The following ST6GAL1 variants were observed in gnomAD, a reference collection of about 807,000 sequenced individuals.
ST6GAL1 encodes the protein beta-galactoside alpha-2,6-sialyltransferase 1.
ST6GAL1 carries 20 observed loss-of-function variants against 38.0 expected under a neutral mutation model. That is an observed-to-expected ratio of 0.53 (90% CI 0.37 to 0.77). The LOEUF is 0.77. Among genes scored for constraint, ST6GAL1 ranks in the 30% least tolerant of loss-of-function variants. The pLI is 0.00. For missense variants in ST6GAL1, 432 were observed against 496.4 expected, an observed-to-expected ratio of 0.87 and a Z score of 1.23; for synonymous variants, 196 against 188.2, an observed-to-expected ratio of 1.04 and a Z score of -0.34.
At chr3:187,043,943 T>A (rs1329731051) in intron 4 of ST6GAL1, 1 of 152,348 alleles carries the variant, frequency 6.6e-6, no homozygotes, top group Non-Finnish European at 1.5e-5. Flanking sequence ...CTGGGGGCTA[T>A]GGACCAACTT....
At chr3:187,003,502 CT>C (rs35456268) in intron 2 of ST6GAL1, among the ~76,000 whole-genome samples, 37,199 of 152,150 alleles carry the variant, frequency 0.24, 4,602 homozygotes, top group South Asian at 0.34. Context: ...AAAATTGAAT[CT>C]TTCAGTTGAT....
chr3:186,962,212 G>A lies in ST6GAL1; in HGVS notation c.-324-1573G>A, dbSNP rs375300297. On this transcript the variant is annotated intron_variant, in intron 1 of 7. Transcript: ENST00000169298. ...TCAGTTCTGTCTATCAGCATCTCCC[G>A]TCTCATGGGATGACTCTTGTTTCTC... Among the ~76,000 whole-genome samples, 16 of 152,064 alleles carry A rather than the reference G, an allele frequency of 1.1e-4. No individual in the cohort carries two copies. The East Asian group carries it at 1.2e-3, about 11-fold the overall frequency.
At chr3:187,052,334 C>A (rs1487371716) in intron 5 of ST6GAL1, among the ~76,000 whole-genome samples, 1 of 152,180 alleles carries the variant, frequency 6.6e-6, no homozygotes, top group African/African-American at 2.4e-5. Flanking sequence ...TTCTAGGGTA[C>A]ATGTGCACAA....
chr3:186,974,160 G>T (rs2108533501), intron 2 of ST6GAL1, among the ~76,000 whole-genome samples: 1 of 152,286 alleles, frequency 6.6e-6, no homozygotes, highest in Non-Finnish European at 1.5e-5. Flanking sequence ...GGAAGATTCA[G>T]TAGGATCAGT....
At chr3:186,960,970 T>TTA (rs1491338714) in intron 1 of ST6GAL1, among the ~76,000 whole-genome samples, 1 of 99,362 alleles carries the variant, frequency 1.0e-5, no homozygotes, top group Non-Finnish European at 1.8e-5. Context: ...TCATTTGATC[T>TTA]TTTTTTTTTT....
At chr3:187,023,417 T>C (rs866299058) in intron 2 of ST6GAL1, among the ~76,000 whole-genome samples, 5 of 152,258 alleles carry the variant, frequency 3.3e-5, no homozygotes, top group Non-Finnish European at 4.4e-5. Flanking sequence ...TACTGCTGTG[T>C]CTGCAGTCTG....
intron 2 of ST6GAL1, among the ~76,000 whole-genome samples, chr3:186,984,837 CTCCCTCCCTCCT>C (rs1715847772): frequency 1.6e-4 from 11 of 69,538 alleles, no homozygotes; most frequent in Admixed American, 8.9e-4. Context: ...CCCTCCCTCC[CTCCCTCCCTCCT>C]TCCTTCCTTC....
At chr3:186,992,246 G>A (rs1194679418) in intron 2 of ST6GAL1, among the ~76,000 whole-genome samples, 1 of 152,132 alleles carries the variant, frequency 6.6e-6, no homozygotes, top group African/African-American at 2.4e-5. Context: ...TCTCATGATA[G>A]TGAGTGAGTT....
At position 187,043,027 on chromosome 3, in the gene ST6GAL1, G is replaced by T; in HGVS notation, c.324G>T (p.Arg108Ser). The T allele has an allele frequency of 6.2e-7, 1 of 1,614,132 alleles. No individual in the cohort carries two copies. The highest frequency in any genetic ancestry group is 8.5e-7 in the Non-Finnish European group (1 of 1,180,036). The change falls in exon 4 of 8, where the codon AGG becomes AGT. Residue 108 changes from arginine to serine, a missense_variant. Transcript: ENST00000169298. The part of the protein sequence containing the change: ...KDSSSKNLIP[R>S]LQKIWKNYLS... ...GCTCTTCCAAAAACCTTATCCCTAGGCTGCAAAAGATCTGGAAGAATTACC... is the reference window on the plus strand; with the variant it reads ...GCTCTTCCAAAAACCTTATCCCTAGTCTGCAAAAGATCTGGAAGAATTACC...
At chr3:187,019,071 T>A (rs980257297) in intron 2 of ST6GAL1, among the ~76,000 whole-genome samples, 4 of 152,230 alleles carry the variant, frequency 2.6e-5, no homozygotes, top group African/African-American at 9.6e-5. Context: ...CAACAGTATC[T>A]TTGTTCATTT....
At chr3:186,932,072 AGT>A (rs1039858433) in intron 1 of ST6GAL1, among the ~76,000 whole-genome samples, 1 of 152,176 alleles carries the variant, frequency 6.6e-6, no homozygotes, top group African/African-American at 2.4e-5. Context: ...CCGCCGCCCC[AGT>A]GTGTGCCTGC....
chr3:187,000,705 A>G (rs999119821), intron 2 of ST6GAL1, among the ~76,000 whole-genome samples: 2 of 152,290 alleles, frequency 1.3e-5, no homozygotes, highest in Middle Eastern at 3.4e-3. Flanking sequence ...GGTTGTTCCA[A>G]ATTTTCTCAG....
intron 5 of ST6GAL1, among the ~76,000 whole-genome samples, chr3:187,065,933 C>G (rs1436008551): frequency 1.3e-5 from 2 of 152,184 alleles, no homozygotes; most frequent in Admixed American, 6.5e-5. Flanking sequence ...GTTTAAGTTG[C>G]TCACAGGAGC....
Position 187,051,248 on chromosome 3 carries a change from G to A in ST6GAL1, c.608-1G>A. 2.5e-6 allele frequency: 4 copies of A among 1,613,354 alleles called. No individual in the cohort carries two copies. The highest frequency in any genetic ancestry group is 3.4e-6 in the Non-Finnish European group (4 of 1,179,654). On this transcript the variant is annotated splice_acceptor_variant, in intron 4 of 7. Coordinates refer to ENST00000169298, the MANE Select transcript of ST6GAL1 (RefSeq NM_173216.2). LOFTEE classifies it high-confidence loss of function. ...CTTTTCTGTTTCTTTGTGGTTTATA[G>A]ATGATCATGACGCAGTCCTGAGGTT...
intron 2 of ST6GAL1, among the ~76,000 whole-genome samples, chr3:187,010,644 T>C (rs1716924331): frequency 6.6e-6 from 1 of 152,174 alleles, no homozygotes; most frequent in Admixed American, 6.5e-5. Flanking sequence ...CCATCTTGGC[T>C]CTTTCACTGG....
intron 6 of ST6GAL1, 137 bp downstream of exon 6, chr3:187,073,084 TTTCATCTGGACTAGCAGA>T: frequency 1.6e-6 from 1 of 640,438 alleles, no homozygotes; most frequent in South Asian, 1.8e-5. Context: ...GGGTACCCCA[TTTCATCTGGACTAGCAGA>T]TTCAGAAGTA....
At chr3:187,074,814 C>T (rs1215062464) in intron 7 of ST6GAL1, among the ~76,000 whole-genome samples, 2 of 152,080 alleles carry the variant, frequency 1.3e-5, no homozygotes, top group African/African-American at 2.4e-5. Flanking sequence ...AATTTAAGGG[C>T]GTACCCCTTA....
At chr3:187,054,702 G>A (rs986791096) in intron 5 of ST6GAL1, among the ~76,000 whole-genome samples, 1 of 152,160 alleles carries the variant, frequency 6.6e-6, no homozygotes, top group Non-Finnish European at 1.5e-5. Context: ...TGGTTTGCCA[G>A]TATTTTATTG....
chr3:187,000,957 A>C (rs13322676), intron 2 of ST6GAL1, among the ~76,000 whole-genome samples: 40,753 of 152,128 alleles, frequency 0.27, 5,473 homozygotes, highest in South Asian at 0.38. Flanking sequence ...ACTTCCCCAG[A>C]TGCTTTTTAG....
Sources: allele counts gnomAD v4.1 joint callset (sites outside exome capture counted in the v4.1 genomes callset), GRCh38; gene constraint gnomAD v4.1.1; transcripts MANE v1.5; gene names NCBI Gene and HGNC (gene_info 2026-07-23, HGNC 2026-07-21).